PRORP: variants seen among roughly 807,000 people sequenced by gnomAD.
PRORP encodes the protein mitochondrial ribonuclease P catalytic subunit.
PRORP carries 51 observed loss-of-function variants against 59.4 expected under a neutral mutation model. The observed-to-expected ratio is 0.86, with a 90% CI of 0.69 to 1.08. The LOEUF (loss-of-function observed/expected upper bound fraction) is 1.08, where lower values mean the gene tolerates loss of function less well. Ranked by LOEUF, PRORP falls within the 50% of genes least tolerant of loss-of-function variation. The pLI is 0.00. For synonymous variants in PRORP, 231 were observed against 245.6 expected, an observed-to-expected ratio of 0.94 and a Z score of 0.55; for missense variants, 646 against 690.3, an observed-to-expected ratio of 0.94 and a Z score of 0.72.
intron 5 of PRORP, among the ~76,000 whole-genome samples, chr14:35,191,983 C>G (rs2048894444): frequency 6.6e-6 from 1 of 152,156 alleles, no homozygotes; most frequent in African/African-American, 2.4e-5. Context: ...CTTTCCATTT[C>G]CATTAACATC....
intron 5 of PRORP, among the ~76,000 whole-genome samples, chr14:35,218,485 A>AAAAAAG (rs1348565728): frequency 9.0e-5 from 12 of 133,048 alleles, no homozygotes; most frequent in South Asian, 5.0e-4. Context: ...AAAAAAAAAA[A>AAAAAAG]CCAACAACAA....
At chr14:35,147,774 C>A (rs2138874138) in intron 4 of PRORP, among the ~76,000 whole-genome samples, 1 of 152,318 alleles carries the variant, frequency 6.6e-6, no homozygotes, top group Admixed American at 6.5e-5. Context: ...AAATTGGAGT[C>A]AATCCTCTGA....
At chr14:35,228,301 A>G (rs1216454165) in intron 5 of PRORP, among the ~76,000 whole-genome samples, 1 of 152,244 alleles carries the variant, frequency 6.6e-6, no homozygotes, top group Non-Finnish European at 1.5e-5. Context: ...AGTTAAAAAA[A>G]TAATTTCAAC....
chr14:35,152,270 A>C (rs1341455540), intron 4 of PRORP, among the ~76,000 whole-genome samples: 1 of 152,244 alleles, frequency 6.6e-6, no homozygotes, highest in Non-Finnish European at 1.5e-5. Flanking sequence ...GATCAACAGC[A>C]TCCCAAGGCA....
rs940387359 is a variant in PRORP, at chr14:35,210,687, G to A, written c.1275+29910G>A. ...AGATAAATAAATTAATTTAGATATC[G>A]GGAATACTAAGATATGCCTGCTGGG... On this transcript the variant is annotated intron_variant, in intron 5 of 7. Coordinates refer to ENST00000534898, the MANE Select transcript of PRORP (RefSeq NM_014672.4). 1.0e-4 allele frequency among the ~76,000 whole-genome samples: 15 copies of A among 146,970 alleles called. No individual in the cohort carries two copies. The East Asian group carries it at 1.4e-3, about 14-fold the overall frequency.
In PRORP at chr14:35,264,319, G is replaced by A. The variant is rs375332752; in HGVS notation, c.1276-2408G>A. On this transcript the variant is annotated intron_variant, in intron 5 of 7. Transcript: ENST00000534898. ...ATTTTTGTATTTTTAGTAGAGATGG[G>A]GCCATGTTGGCTAGGCTAGTCTTAA... 1.1e-3 allele frequency among the ~76,000 whole-genome samples: 168 copies of A among 151,874 alleles called. 1 individual carries two copies. Among genetic ancestry groups the A allele is most frequent in the African/African-American group, 3.7e-3 (155 of 41,438 alleles).
intron 4 of PRORP, among the ~76,000 whole-genome samples, chr14:35,145,335 T>C (rs895104164): frequency 2.1e-5 from 3 of 144,410 alleles, no homozygotes; most frequent in Non-Finnish European, 3.1e-5. Context: ...TGGAAGTGGG[T>C]TTTATCCTGA....
At chr14:35,259,444 C>T (rs986968748) in intron 5 of PRORP, among the ~76,000 whole-genome samples, 1 of 152,002 alleles carries the variant, frequency 6.6e-6, no homozygotes, top group Non-Finnish European at 1.5e-5. Flanking sequence ...ACTTTTTATA[C>T]CTCATACTGT....
chr14:35,236,096 CA>C (rs59458917), intron 5 of PRORP, among the ~76,000 whole-genome samples: 12,413 of 62,402 alleles, frequency 0.2, 349 homozygotes, highest in African/African-American at 0.32. Flanking sequence ...ACCCCATCTC[CA>C]AAAAAAAAAA....
At chr14:35,224,590 T>G (rs1388846293) in intron 5 of PRORP, among the ~76,000 whole-genome samples, 1 of 152,210 alleles carries the variant, frequency 6.6e-6, no homozygotes, top group Non-Finnish European at 1.5e-5. Context: ...ACACTAATTA[T>G]GCAGCCTCTC....
intron 5 of PRORP, among the ~76,000 whole-genome samples, chr14:35,239,467 T>C (rs982456972): frequency 2.0e-5 from 3 of 152,172 alleles, no homozygotes; most frequent in Admixed American, 1.3e-4. Flanking sequence ...GTGGAGCCCC[T>C]TTTCTCCTCA....
chr14:35,255,022 C>T (rs1027291259), intron 5 of PRORP, among the ~76,000 whole-genome samples: 8 of 152,152 alleles, frequency 5.3e-5, no homozygotes, highest in African/African-American at 1.9e-4. Context: ...CCTCCTCACC[C>T]ACAGTCTGAT....
chr14:35,149,199 G>A (rs1425528416), intron 4 of PRORP, among the ~76,000 whole-genome samples: 1 of 151,416 alleles, frequency 6.6e-6, no homozygotes, highest in African/African-American at 2.4e-5. Flanking sequence ...GATTACAAGC[G>A]TGAGCCACCG....
chr14:35,123,473 G>T lies in PRORP; in HGVS notation c.228G>T (p.Lys76Asn). The stretch of plus-strand genomic sequence containing the variant: ...TCAGGAAAGATGAGGGCAGTAATAA[G>T]CAAGTTTATTCTGTTCCTCATTTTT... The part of the protein sequence containing the change: ...RYLRKDEGSN[K>N]QVYSVPHFFL... The change falls in exon 2 of 8, where the codon AAG becomes AAT. Residue 76 changes from lysine to asparagine, a missense_variant. By Grantham distance (94) the Lys-to-Asn change is moderately conservative. Coordinates refer to ENST00000534898, the MANE Select transcript of PRORP (RefSeq NM_014672.4). The T allele has an allele frequency of 6.2e-7, 1 of 1,614,152 alleles. No homozygotes were observed.
chr14:35,139,575 T>C (rs954852398), intron 4 of PRORP, among the ~76,000 whole-genome samples: 1 of 145,958 alleles, frequency 6.9e-6, no homozygotes, highest in Non-Finnish European at 1.5e-5. Context: ...CATTCTTTCA[T>C]TTTTATAATT....
At chr14:35,164,354 G>A (rs775633940) in intron 4 of PRORP, among the ~76,000 whole-genome samples, 2 of 152,120 alleles carry the variant, frequency 1.3e-5, no homozygotes, top group Admixed American at 6.6e-5. Flanking sequence ...GCATTGCTGC[G>A]CTACTCACAA....
intron 5 of PRORP, among the ~76,000 whole-genome samples, chr14:35,243,620 A>G (rs971058829): frequency 2.0e-5 from 3 of 152,134 alleles, no homozygotes; most frequent in African/African-American, 4.8e-5. Flanking sequence ...ATATGCTACA[A>G]GAAGAGTGAC....
At chr14:35,174,492 G>A (rs2048394979) in intron 4 of PRORP, among the ~76,000 whole-genome samples, 2 of 151,870 alleles carry the variant, frequency 1.3e-5, no homozygotes, top group African/African-American at 4.8e-5. Flanking sequence ...TGTTTTGTTT[G>A]TCCCTTTGGT....
At chr14:35,148,276 C>T (rs887587920) in intron 4 of PRORP, among the ~76,000 whole-genome samples, 2 of 152,162 alleles carry the variant, frequency 1.3e-5, no homozygotes, top group African/African-American at 4.8e-5. Flanking sequence ...ACTAGAAAGT[C>T]GAATTTACTC....
Sources: gnomAD v4.1 joint callset for allele counts (sites outside exome capture counted in the v4.1 genomes callset) on GRCh38, gnomAD v4.1.1 for gene constraint, MANE v1.5 for transcripts, NCBI Gene and HGNC (gene_info 2026-07-23, HGNC 2026-07-21) for gene names.